LIM2: variants seen among roughly 807,000 people sequenced by gnomAD.
LIM2 encodes the protein lens intrinsic membrane protein 2, also known as lens fiber membrane intrinsic protein.
LIM2 carries 14 observed loss-of-function variants against 19.0 expected under a neutral mutation model. The ratio of observed to expected loss-of-function variants is 0.74; its 90% CI spans 0.49 to 1.15. The LOEUF (loss-of-function observed/expected upper bound fraction) is 1.15, where lower values mean the gene tolerates loss of function less well. Ranked by LOEUF, LIM2 falls within the 50% of genes most tolerant of loss-of-function variation. LIM2 has a pLI of 0.00. For missense variants in LIM2, 230 were observed against 243.5 expected (o/e 0.94, Z 0.37); for synonymous variants, 78 against 89.6 (o/e 0.87, Z 0.73).
At chr19:51,385,865 AT>A (rs1330923971) in intron 2 of LIM2, among the ~76,000 whole-genome samples, 1 of 152,154 alleles carries the variant, frequency 6.6e-6, no homozygotes, top group Admixed American at 6.5e-5. Context: ...GAAGTCTCCC[AT>A]GCCTGTCACG....
intron 2 of LIM2, among the ~76,000 whole-genome samples, chr19:51,386,511 CATT>C (rs1362540602): frequency 2.0e-5 from 3 of 147,912 alleles, no homozygotes; most frequent in South Asian, 2.1e-4. Context: ...ATAATATATA[CATT>C]ATTAATTTAT....
intron 3 of LIM2, among the ~76,000 whole-genome samples, chr19:51,382,045 T>C (rs1463280917): frequency 1.3e-5 from 2 of 152,174 alleles, no homozygotes; most frequent in African/African-American, 2.4e-5. Context: ...AATTTTTGAA[T>C]CTGAGTGGGT....
intron 3 of LIM2, 99 bp from the exon 4 acceptor site, chr19:51,380,738 G>A: frequency 7.0e-7 from 1 of 1,418,886 alleles, no homozygotes. Context: ...CTAAGATTGG[G>A]GAAAGGGGTG....
intron 2 of LIM2, among the ~76,000 whole-genome samples, 184 bp from the exon 3 acceptor site, chr19:51,382,751 G>A (rs532840034): frequency 1.6e-4 from 24 of 152,018 alleles, no homozygotes; most frequent in Middle Eastern, 3.4e-3. Flanking sequence ...CACAGCTCCC[G>A]TGACCCATCC....
chr19:51,385,732 G>A (rs914553876), intron 2 of LIM2, among the ~76,000 whole-genome samples: 4 of 152,098 alleles, frequency 2.6e-5, no homozygotes, highest in Admixed American at 6.6e-5. Context: ...CAGGCAGAGC[G>A]GACTCTGAAG....
chr19:51,384,408 G>A (rs1035399953), intron 2 of LIM2, among the ~76,000 whole-genome samples: 3 of 152,194 alleles, frequency 2.0e-5, no homozygotes, highest in African/African-American at 7.2e-5. Flanking sequence ...TCCAGCCTGG[G>A]TGGCAGAGCG....
chr19:51,380,403 C>G, intron 4 of LIM2, 102 bp downstream of exon 4: 1 of 1,589,412 alleles, frequency 6.3e-7, no homozygotes, highest in Non-Finnish European at 8.6e-7. Flanking sequence ...TTCCTCCTGA[C>G]CCAGTGCTGT....
chr19:51,384,355 C>T (rs1417822638), intron 2 of LIM2, among the ~76,000 whole-genome samples: 8 of 152,156 alleles, frequency 5.3e-5, no homozygotes, highest in African/African-American at 1.7e-4. Context: ...CACTTGAACC[C>T]GGGAGGTGGA....
At chr19:51,384,116 G>A (rs1003978312) in intron 2 of LIM2, among the ~76,000 whole-genome samples, 3 of 152,118 alleles carry the variant, frequency 2.0e-5, no homozygotes, top group African/African-American at 7.2e-5. Flanking sequence ...GATCATGCTA[G>A]AGTAGGGTGG....
chr19:51,380,663 G>A (rs777468462), intron 3 of LIM2, 24 bp from the exon 4 acceptor site: 18 of 1,613,748 alleles, frequency 1.1e-5, no homozygotes, highest in Non-Finnish European at 6.8e-6. Context: ...GCGGGAGGAT[G>A]CAGGTGGGAC....
rs550720456 is a variant in LIM2, at chr19:51,386,182, G to A, written c.175+1087C>T. Among the ~76,000 whole-genome samples, 6 of 151,194 alleles carry A rather than the reference G, an allele frequency of 4.0e-5. No individual in the cohort carries two copies. In the East Asian group the frequency reaches 1.2e-3, roughly 29 times the overall value. ...TCTGTTGTCCAGGCTGGAGTGCAGT[G>A]GTGCCATCTGGGCCCACTGCAGTCT... is the stretch of plus-strand genomic sequence containing the variant. On this transcript the variant is annotated intron_variant, in intron 2 of 4. Coordinates refer to ENST00000596399, the MANE Select transcript of LIM2 (RefSeq NM_001161748.2).
rs1210772928 is a variant in LIM2 at position 51,382,388 on chromosome 19, G to A, written c.325+30C>T. The A allele has an allele frequency of 1.9e-6, 3 of 1,612,748 alleles. No homozygotes were observed. In the South Asian group the frequency reaches 3.3e-5, roughly 18 times the overall value. On this transcript the variant is annotated intron_variant, in intron 3 of 4. Coordinates refer to ENST00000596399, the MANE Select transcript of LIM2 (RefSeq NM_001161748.2). The stretch of plus-strand genomic sequence containing the variant: ...TTGGGGTTTGAGATGAGAGCGAGGA[G>A]AGGGGTAGGGAGAGGGTGGGCTTAC...
intron 2 of LIM2, among the ~76,000 whole-genome samples, chr19:51,386,874 C>T (rs1302603191): frequency 6.6e-6 from 1 of 152,042 alleles, no homozygotes; most frequent in Admixed American, 6.6e-5. Flanking sequence ...TATGGCCTGG[C>T]ACATTATAAG....
intron 2 of LIM2, among the ~76,000 whole-genome samples, chr19:51,383,763 G>A (rs578209567): frequency 4.6e-5 from 7 of 152,142 alleles, no homozygotes; most frequent in African/African-American, 1.7e-4. Flanking sequence ...TGACTTGCCC[G>A]AAGTCTCATA....
At position 51,387,307 on chromosome 19, in the gene LIM2, C is replaced by A. The variant is rs1987093959; in HGVS notation, c.137G>T (p.Cys46Phe). The A allele has an allele frequency of 6.2e-7, 1 of 1,614,158 alleles. No individual in the cohort carries two copies. The highest frequency in any genetic ancestry group is 1.3e-5 in the African/African-American group (1 of 75,062). The change falls in exon 2 of 5, where the codon TGC becomes TTC. Residue 46 changes from cysteine (C) to phenylalanine (F), a missense_variant. Coordinates refer to ENST00000596399, the MANE Select transcript of LIM2 (RefSeq NM_001161748.2). ...SFAHQGLWRY[C>F]LGNKCYLQTD... ...CTGCAGGTAGCACTTGTTGCCCAGGCAGTACCGCCACAGGCCCTGGTGGGC... is the reference window on the plus strand; with the variant it reads ...CTGCAGGTAGCACTTGTTGCCCAGGAAGTACCGCCACAGGCCCTGGTGGGC...
At chr19:51,383,683 G>A (rs1258737692) in intron 2 of LIM2, among the ~76,000 whole-genome samples, 1 of 152,174 alleles carries the variant, frequency 6.6e-6, no homozygotes, top group African/African-American at 2.4e-5. Flanking sequence ...TTCCTCCAGA[G>A]CCCTACTCTA....
intron 2 of LIM2, among the ~76,000 whole-genome samples, chr19:51,383,027 CTTTTTTTTTTTTTTT>C (rs1163859181): frequency 1.1e-5 from 1 of 88,308 alleles, no homozygotes; most frequent in Admixed American, 1.7e-4. Flanking sequence ...TTTTTCTTTT[CTTTTTTTTTTTTTTT>C]TTTTTTTTTT....
chr19:51,387,210 C>T (rs766008562), intron 2 of LIM2, 59 bp downstream of exon 2: 3 of 1,614,212 alleles, frequency 1.9e-6, no homozygotes, highest in South Asian at 2.2e-5. Context: ...GTCCTTGGGC[C>T]CCGAGGTCCG....
Position 51,381,140 on chromosome 19 carries a change from G to A in LIM2, c.326-501C>T, listed in dbSNP as rs146447786. The stretch of plus-strand genomic sequence containing the variant: ...AGCCTGGTCAACATGGTGAAACCCC[G>A]TCTCTACTAAAAATACAATAAAAAA... On this transcript the variant is annotated intron_variant, in intron 3 of 4. Coordinates refer to ENST00000596399, the MANE Select transcript of LIM2 (RefSeq NM_001161748.2). 2.0e-3 allele frequency among the ~76,000 whole-genome samples: 304 copies of A among 152,016 alleles called. 2 individuals are homozygous for A. Among genetic ancestry groups the A allele is most frequent in the African/African-American group, 6.8e-3 (284 of 41,464 alleles).
Sources: allele counts gnomAD v4.1 joint callset (sites outside exome capture counted in the v4.1 genomes callset), GRCh38; gene constraint gnomAD v4.1.1; transcripts MANE v1.5; gene names NCBI Gene and HGNC (gene_info 2026-07-23, HGNC 2026-07-21).